Variants in CCDC172 observed in about 807,000 individuals in gnomAD.
CCDC172 encodes the protein coiled-coil domain-containing protein 172.
CCDC172 carries 30 observed loss-of-function variants against 38.0 expected under a neutral mutation model. That is an observed-to-expected ratio of 0.79 (90% CI 0.59 to 1.07). CCDC172 has a LOEUF of 1.07. Among genes scored for constraint, CCDC172 ranks in the 50% least tolerant of loss-of-function variants. The probability of loss-of-function intolerance (pLI) is 0.00; values close to 1 mark genes in which losing one functional copy is unlikely to be tolerated. For missense variants in CCDC172, 297 were observed against 290.1 expected (o/e 1.02, Z -0.17); for synonymous variants, 78 against 88.3 (o/e 0.88, Z 0.66).
intron 7 of CCDC172, among the ~76,000 whole-genome samples, chr10:116,365,853 C>G (rs1191556567): frequency 6.6e-6 from 1 of 152,092 alleles, no homozygotes; most frequent in Non-Finnish European, 1.5e-5. Context: ...TTTCAGTTGC[C>G]TACAGTATTC....
At chr10:116,334,546 T>C (rs1454445945) in intron 3 of CCDC172, among the ~76,000 whole-genome samples, 1 of 152,106 alleles carries the variant, frequency 6.6e-6, no homozygotes, top group African/African-American at 2.4e-5. Context: ...AGTAAATATA[T>C]ATATAAATAA....
At chr10:116,327,371 G>A (rs1844605126) in intron 3 of CCDC172, among the ~76,000 whole-genome samples, 2 of 152,026 alleles carry the variant, frequency 1.3e-5, no homozygotes, top group South Asian at 2.1e-4. Context: ...TTAAAAGGTT[G>A]CTTATACAAG....
intron 7 of CCDC172, among the ~76,000 whole-genome samples, chr10:116,374,483 A>G (rs1273160037): frequency 7.0e-6 from 1 of 143,070 alleles, no homozygotes; most frequent in Non-Finnish European, 1.5e-5. Flanking sequence ...ATTAAACTTT[A>G]TCATAGGTAT....
chr10:116,361,486 T>G (rs1220494433), intron 7 of CCDC172, among the ~76,000 whole-genome samples: 1 of 152,216 alleles, frequency 6.6e-6, no homozygotes, highest in Non-Finnish European at 1.5e-5. Flanking sequence ...ATAGGAAGAT[T>G]GTTTTAGGAA....
chr10:116,340,917 A>C (rs550187012), intron 4 of CCDC172, 67 bp downstream of exon 4: 36 of 882,244 alleles, frequency 4.1e-5, no homozygotes, highest in Middle Eastern at 6.2e-4. Context: ...AATATACTTA[A>C]GTATACTTTT....
At chr10:116,348,107 A>G (rs1844888659) in intron 5 of CCDC172, among the ~76,000 whole-genome samples, 1 of 151,956 alleles carries the variant, frequency 6.6e-6, no homozygotes, top group African/African-American at 2.4e-5. Context: ...CTGCTTGGAA[A>G]AATGTACGTA....
At chr10:116,338,926 G>T (rs1844762021) in intron 3 of CCDC172, among the ~76,000 whole-genome samples, 1 of 151,956 alleles carries the variant, frequency 6.6e-6, no homozygotes, top group Non-Finnish European at 1.5e-5. Context: ...TTTCTGAAGG[G>T]CATAATACTT....
chr10:116,353,154 C>T (rs1844952605), intron 5 of CCDC172, among the ~76,000 whole-genome samples: 1 of 151,740 alleles, frequency 6.6e-6, no homozygotes, highest in Admixed American at 6.6e-5. Flanking sequence ...GATCGCGCCA[C>T]TGCACTCCTT....
chr10:116,353,439 T>A (rs879076111), intron 5 of CCDC172, among the ~76,000 whole-genome samples: 1 of 152,156 alleles, frequency 6.6e-6, no homozygotes, highest in Non-Finnish European at 1.5e-5. Context: ...ATCAAGGAAG[T>A]GAAAAGACGA....
intron 5 of CCDC172, among the ~76,000 whole-genome samples, chr10:116,349,170 C>T (rs1015219730): frequency 1.5e-4 from 23 of 152,172 alleles, no homozygotes; most frequent in South Asian, 2.1e-4. Context: ...CCAGATGGGA[C>T]GGTCTTGTTG....
Position 116,357,854 on chromosome 10 carries a change from A to AT in CCDC172, c.570dup (p.Glu191Ter). ...TGTTTAGTTTTTGAAGATGAAGAGAATGAATCCATTTGTACTACCAAATAT... is the reference window on the plus strand; with the variant it reads ...TGTTTAGTTTTTGAAGATGAAGAGAATTGAATCCATTTGTACTACCAAATAT... On this transcript the variant is annotated frameshift_variant, in exon 7 of 9. Coordinates refer to ENST00000333254, the MANE Select transcript of CCDC172 (RefSeq NM_198515.3). LOFTEE classifies it high-confidence loss of function. The AT allele has an allele frequency of 2.0e-6, 3 of 1,511,890 alleles. No homozygotes were observed. Among genetic ancestry groups the AT allele is most frequent in the Non-Finnish European group, 2.7e-6 (3 of 1,114,456 alleles). The allele number at this position is 1,511,890 out of a possible 1,614,324, so 93.7% of individuals were successfully genotyped here.
intron 3 of CCDC172, among the ~76,000 whole-genome samples, chr10:116,328,231 T>C (rs1565710586): frequency 1.3e-5 from 2 of 152,118 alleles, no homozygotes; most frequent in Non-Finnish European, 2.9e-5. Flanking sequence ...GTTGCAAAAG[T>C]CTCAGGTTAT....
chr10:116,328,375 A>G (rs940207987), intron 3 of CCDC172, among the ~76,000 whole-genome samples: 1 of 152,140 alleles, frequency 6.6e-6, no homozygotes, highest in African/African-American at 2.4e-5. Flanking sequence ...TCTGATAGTT[A>G]AGGAAAAGTT....
chr10:116,357,962 G>A, intron 7 of CCDC172, 24 bp downstream of exon 7: 1 of 1,364,126 alleles, frequency 7.3e-7, no homozygotes, highest in Non-Finnish European at 1.0e-6. Context: ...GTTATATTTT[G>A]GCCTAAATCA....
At chr10:116,327,593 T>TA (rs1383716215) in intron 3 of CCDC172, among the ~76,000 whole-genome samples, 1 of 152,130 alleles carries the variant, frequency 6.6e-6, no homozygotes, top group African/African-American at 2.4e-5. Context: ...TACCATTGTT[T>TA]AGAAACATTT....
chr10:116,331,277 A>G (rs955209898), intron 3 of CCDC172, among the ~76,000 whole-genome samples: 2 of 152,210 alleles, frequency 1.3e-5, no homozygotes, highest in Non-Finnish European at 2.9e-5. Flanking sequence ...GAAATTCTCA[A>G]TAATTTTTTA....
At chr10:116,364,394 T>G (rs1845098904) in intron 7 of CCDC172, among the ~76,000 whole-genome samples, 1 of 152,178 alleles carries the variant, frequency 6.6e-6, no homozygotes, top group African/African-American at 2.4e-5. Flanking sequence ...AAACAAATTA[T>G]TATAAGCATC....
chr10:116,346,668 T>G (rs1160385813), intron 5 of CCDC172, among the ~76,000 whole-genome samples: 1 of 145,444 alleles, frequency 6.9e-6, no homozygotes, highest in Non-Finnish European at 1.5e-5. Flanking sequence ...AAAAAAAAAG[T>G]CCCTGATATC....
intron 3 of CCDC172, 152 bp from the exon 4 acceptor site, chr10:116,340,582 A>C: frequency 1.9e-6 from 1 of 536,762 alleles, no homozygotes; most frequent in Non-Finnish European, 3.3e-6. Context: ...GATAGTGTAT[A>C]TAAAATAAGA....
Sources: gnomAD v4.1 joint callset for allele counts (sites outside exome capture counted in the v4.1 genomes callset) on GRCh38, gnomAD v4.1.1 for gene constraint, MANE v1.5 for transcripts, NCBI Gene and HGNC (gene_info 2026-07-23, HGNC 2026-07-21) for gene names.